MOCS1: variants seen among roughly 807,000 people sequenced by gnomAD.
MOCS1 encodes the protein molybdenum cofactor synthesis 1, also known as molybdenum cofactor biosynthesis protein 1.
In MOCS1, 39 loss-of-function variants were observed where a neutral mutation model predicts 57.6. The ratio of observed to expected loss-of-function variants is 0.68; its 90% CI spans 0.52 to 0.88. The LOEUF is 0.88. Among genes scored for constraint, MOCS1 ranks in the 40% least tolerant of loss-of-function variants. The probability of loss-of-function intolerance (pLI) is 0.00; values close to 1 mark genes in which losing one functional copy is unlikely to be tolerated. For synonymous variants in MOCS1, 334 were observed against 335.7 expected (o/e 1.00, Z 0.05); for missense variants, 795 against 831.1 (o/e 0.96, Z 0.53).
At position 39,905,724 on chromosome 6, in the gene MOCS1, G is replaced by A. The variant is rs757366588; in HGVS notation, c.*633C>T. Reference sequence around the variant, plus strand: ...GCACATCCTGTTTCAGAAGAGGGGGGCCAGAGGAAAAGGGGCCAGCAGGAC... The same window carrying A: ...GCACATCCTGTTTCAGAAGAGGGGGACCAGAGGAAAAGGGGCCAGCAGGAC... On this transcript the variant is annotated 3_prime_UTR_variant, in exon 11 of 11. Transcript: ENST00000340692. The A allele has an allele frequency of 1.1e-4, 53 of 471,178 alleles. 1 individual carries two copies. Among genetic ancestry groups the A allele is most frequent in the South Asian group, 7.7e-4 (50 of 64,568 alleles). 29.2% of individuals were successfully genotyped at this position (471,178 alleles called of 1,614,324 possible). A position where few individuals can be genotyped will look rare whatever the true frequency, so the allele number is the denominator to read the frequency against.
chr6:39,930,399 G>A (rs542372831), intron 1 of MOCS1, among the ~76,000 whole-genome samples: 4 of 152,268 alleles, frequency 2.6e-5, no homozygotes, highest in African/African-American at 9.6e-5. Flanking sequence ...TTTCCTCTCC[G>A]TGAGAAGTCA....
intron 3 of MOCS1, among the ~76,000 whole-genome samples, chr6:39,922,073 T>G (rs1768002448): frequency 6.6e-6 from 1 of 152,204 alleles, no homozygotes; most frequent in Non-Finnish European, 1.5e-5. Context: ...TCCAACACTC[T>G]CACAGTACTT....
At chr6:39,913,463 C>T in intron 5 of MOCS1, 35 bp from the exon 6 acceptor site, 2 of 1,577,866 alleles carry the variant, frequency 1.3e-6, no homozygotes, top group South Asian at 1.1e-5. Context: ...GAGGGCTGTG[C>T]CCCCTGCATT....
chr6:39,920,291 C>T (rs1767892189), intron 3 of MOCS1, among the ~76,000 whole-genome samples: 1 of 152,148 alleles, frequency 6.6e-6, no homozygotes, highest in Non-Finnish European at 1.5e-5. Flanking sequence ...GTTGGGAGGT[C>T]ATTTGGCAGG....
chr6:39,909,821 C>G lies in MOCS1; in HGVS notation c.1102+14G>C, dbSNP rs185909254. The G allele has an allele frequency of 6.2e-7, 1 of 1,612,212 alleles. No homozygotes were observed. The highest frequency in any genetic ancestry group is 1.7e-5 in the Admixed American group (1 of 60,024). On this transcript the variant is annotated intron_variant, in intron 9 of 10. Coordinates refer to ENST00000340692, the MANE Select transcript of MOCS1 (RefSeq NM_001358530.2). ...ACTCACCATCCAGGCCAGCCCTCCCCACCCTGCACTTACCTGCATGCTGCC... is the reference window on the plus strand; with the variant it reads ...ACTCACCATCCAGGCCAGCCCTCCCGACCCTGCACTTACCTGCATGCTGCC...
chr6:39,910,061 G>C (rs1265596976), intron 8 of MOCS1, 106 bp from the exon 9 acceptor site: 2 of 1,539,208 alleles, frequency 1.3e-6, no homozygotes, highest in Non-Finnish European at 1.8e-6. Flanking sequence ...AGGAGCACCA[G>C]GGCCCAGGCC....
At chr6:39,916,288 G>A in intron 3 of MOCS1, 56 bp from the exon 4 acceptor site, 1 of 1,604,972 alleles carries the variant, frequency 6.2e-7, no homozygotes, top group East Asian at 2.2e-5. Flanking sequence ...GTGAGGCCGG[G>A]AAAAGGGCTG....
chr6:39,928,164 G>A (rs1346372423), intron 1 of MOCS1, among the ~76,000 whole-genome samples: 1 of 150,496 alleles, frequency 6.6e-6, no homozygotes, highest in African/African-American at 2.5e-5. Context: ...CTGATTCCAG[G>A]TTCTTTTTTT....
At chr6:39,921,243 T>C (rs1767951443) in intron 3 of MOCS1, among the ~76,000 whole-genome samples, 1 of 150,786 alleles carries the variant, frequency 6.6e-6, no homozygotes, top group Non-Finnish European at 1.5e-5. Flanking sequence ...ACTAAAAATA[T>C]AAAAAATTAG....
At chr6:39,919,559 T>C (rs76271939) in intron 3 of MOCS1, among the ~76,000 whole-genome samples, 1 of 151,000 alleles carries the variant, frequency 6.6e-6, no homozygotes, top group African/African-American at 2.4e-5. Context: ...AAAATTTACA[T>C]GGTCAAGCCT....
At chr6:39,933,044 G>A (rs1355191789) in intron 1 of MOCS1, among the ~76,000 whole-genome samples, 1 of 152,064 alleles carries the variant, frequency 6.6e-6, no homozygotes, top group Non-Finnish European at 1.5e-5. Context: ...ACACAGGGAG[G>A]ACGGAAAAGC....
At chr6:39,934,232 A>C in intron 1 of MOCS1, 63 bp downstream of exon 1, 1 of 1,467,228 alleles carries the variant, frequency 6.8e-7, no homozygotes, top group Admixed American at 2.4e-5. Context: ...CTGGGGGAAA[A>C]GGGCAGTGTG....
Position 39,916,101 on chromosome 6 carries a change from G to C in MOCS1, c.550C>G (p.Pro184Ala). 2 of 1,612,922 alleles carry C rather than the reference G, an allele frequency of 1.2e-6. No homozygotes were observed. Among genetic ancestry groups the C allele is most frequent in the South Asian group, 2.2e-5 (2 of 90,818 alleles). Residue 184 changes from proline (P) to alanine (A), a missense_variant, in exon 4 of 11, where the codon CCT becomes GCT. Physicochemically the swap from Pro to Ala is conservative, Grantham distance 27. Around this residue, in one of 3 missense-constraint regions of MOCS1, gnomAD observed 416 missense variants for 392.4 expected, o/e 1.06. Transcript: ENST00000340692. Reference protein sequence around the residue: ...AINISLDTLVPAKFEFIVRRK... With the variant: ...AINISLDTLVAAKFEFIVRRK... ...CGGACAATGAACTCAAACTTGGCAG[G>C]CACCAGGGTGTCCAGGCTGATGTTG... is the stretch of plus-strand genomic sequence containing the variant.
chr6:39,916,040 G>A (rs1265956325), intron 4 of MOCS1, 28 bp downstream of exon 4: 1 of 1,580,560 alleles, frequency 6.3e-7, no homozygotes, highest in South Asian at 1.2e-5. Flanking sequence ...CCCTGGGAGG[G>A]ACACCCACCC....
rs747837245 is a variant in MOCS1 at position 39,912,312 on chromosome 6, G to T, written c.933C>A (p.Phe311Leu). The change falls in exon 8 of 11, where the codon TTC becomes TTA. Residue 311 changes from phenylalanine to leucine, a missense_variant. Phe to Leu is a conservative substitution (Grantham distance 22). Coordinates refer to ENST00000340692, the MANE Select transcript of MOCS1 (RefSeq NM_001358530.2). Reference sequence around the variant, plus strand: ...TTCGCAGGCGGTTGCAGGTCCCACAGAAATGCTCAGACATGGATGTGATGA... The same window carrying T: ...TTCGCAGGCGGTTGCAGGTCCCACATAAATGCTCAGACATGGATGTGATGA... Reference protein sequence around the residue: ...ISFITSMSEHFCGTCNRLRIT... With the variant: ...ISFITSMSEHLCGTCNRLRIT... The T allele has an allele frequency of 3.1e-6, 5 of 1,613,866 alleles. No homozygotes were observed. Among genetic ancestry groups the T allele is most frequent in the Non-Finnish European group, 3.4e-6 (4 of 1,180,032 alleles).
At position 39,934,383 on chromosome 6, in the gene MOCS1, C is replaced by T. The variant is rs1768803552; in HGVS notation, c.35G>A (p.Arg12Gln). ...GCTCCGGGCGCTGGACCTCAGAAGC[C>T]GCCGCAGCATCCGGGACAGTGGCCG... Reference protein sequence around the residue: ...AARPLSRMLRRLLRSSARSCS... With the variant: ...AARPLSRMLRQLLRSSARSCS... Residue 12 changes from arginine (R) to glutamine (Q), a missense_variant, in exon 1 of 11, where the codon CGG becomes CAG. By Grantham distance (43) the Arg-to-Gln change is conservative (BLOSUM62 1). Transcript: ENST00000340692. The T allele has an allele frequency of 6.4e-7, 1 of 1,561,608 alleles. No individual in the cohort carries two copies. The highest frequency in any genetic ancestry group is 8.6e-7 in the Non-Finnish European group (1 of 1,158,360).
Position 39,904,273 on chromosome 6 carries a change from G to A in MOCS1, c.*2084C>T, listed in dbSNP as rs1242520732. 7 of 456,634 alleles carry A rather than the reference G, an allele frequency of 1.5e-5. No homozygotes were observed. Among genetic ancestry groups the A allele is most frequent in the Non-Finnish European group, 2.6e-5 (6 of 226,982 alleles). 28.3% of individuals were successfully genotyped at this position (456,634 alleles called of 1,614,324 possible). On this transcript the variant is annotated 3_prime_UTR_variant, in exon 11 of 11. Transcript: ENST00000340692. ...CTCAGCCTTCTCACTCTAAAAGAAA[G>A]ATATTTTTCTATTTATTTTCTACAT...
Position 39,930,251 on chromosome 6 carries a change from AAGG to A in MOCS1, c.124-2799_124-2797del, listed in dbSNP as rs1434747442. Reference sequence around the variant, plus strand: ...AGGAAAAAAATATCAGCACCAGTCAAAGGAGCCCAAGATTCAGAGGGAATTATA... The same window carrying A: ...AGGAAAAAAATATCAGCACCAGTCAAAGCCCAAGATTCAGAGGGAATTATA... On this transcript the variant is annotated intron_variant, in intron 1 of 10. Transcript: ENST00000340692. 2.6e-5 allele frequency among the ~76,000 whole-genome samples: 4 copies of A among 152,146 alleles called. No homozygotes were observed. In the South Asian group the frequency reaches 8.3e-4, roughly 32 times the overall value.
rs149233109 is a variant in MOCS1, at chr6:39,906,600, G to C, written c.1668C>G (p.His556Gln). ...VTSQLIPLCH[H>Q]VALSHIQVQL... is the part of the protein sequence containing the mutation. ...GCACCTGGATGTGGCTCAGGGCCAC[G>C]TGGTGGCACAGAGGGATCAGCTGGC... The change falls in exon 11 of 11, where the codon CAC becomes CAG. Residue 556 changes from histidine (H) to glutamine (Q), a missense_variant. This residue lies in a region of MOCS1 where 374 missense variants were observed against 422.6 expected (regional missense o/e 0.89). Transcript: ENST00000340692. 6.2e-7 allele frequency: 1 copy of C among 1,613,884 alleles called. No individual in the cohort carries two copies. The highest frequency in any genetic ancestry group is 8.5e-7 in the Non-Finnish European group (1 of 1,180,038).
Sources: allele counts gnomAD v4.1 joint callset (sites outside exome capture counted in the v4.1 genomes callset), GRCh38; gene constraint gnomAD v4.1.1; regional missense constraint gnomAD v4.1.1; transcripts MANE v1.5; gene names NCBI Gene and HGNC (gene_info 2026-07-23, HGNC 2026-07-21).